The following NBEA variants were observed in gnomAD, a reference collection of about 807,000 sequenced individuals.
The protein encoded by NBEA is lysosomal-trafficking regulator 2.
In NBEA, 44 loss-of-function variants were observed where a neutral mutation model predicts 343.4. The observed-to-expected ratio is 0.13, with a 90% CI of 0.10 to 0.16. NBEA has a LOEUF of 0.16. Ranked by LOEUF, NBEA falls within the 10% of genes least tolerant of loss-of-function variation. The probability of loss-of-function intolerance (pLI) is 1.00; values close to 1 mark genes in which losing one functional copy is unlikely to be tolerated. For missense variants in NBEA, 2,555 were observed against 3,631.3 expected (o/e 0.70, Z 7.62); for synonymous variants, 1,175 against 1,238.7 (o/e 0.95, Z 1.08).
chr13:35,495,193 C>T (rs1015244981), intron 41 of NBEA, among the ~76,000 whole-genome samples: 30 of 151,802 alleles, frequency 2.0e-4, no homozygotes, highest in African/African-American at 7.0e-4. Flanking sequence ...TGCACACAAA[C>T]AGCAACCATA....
intron 6 of NBEA, among the ~76,000 whole-genome samples, chr13:35,055,688 A>G (rs1463100653): frequency 6.6e-6 from 1 of 152,168 alleles, no homozygotes; most frequent in Admixed American, 6.6e-5. Context: ...GGGTATCTGC[A>G]GTGCTTGGCA....
At chr13:35,512,840 G>A (rs372019734) in intron 41 of NBEA, among the ~76,000 whole-genome samples, 2 of 152,118 alleles carry the variant, frequency 1.3e-5, no homozygotes, top group East Asian at 1.9e-4. Flanking sequence ...CTCATAGGTC[G>A]ACCTCCTTCC....
intron 1 of NBEA, among the ~76,000 whole-genome samples, chr13:34,973,741 T>G (rs1316026064): frequency 6.6e-6 from 1 of 152,158 alleles, no homozygotes. Flanking sequence ...TTAGCTGGAA[T>G]TCCAAGCCAG....
chr13:35,054,329 T>C (rs1434266326), intron 6 of NBEA, among the ~76,000 whole-genome samples: 1 of 152,118 alleles, frequency 6.6e-6, no homozygotes, highest in Admixed American at 6.5e-5. Flanking sequence ...CTTAAATTTA[T>C]TTGACACTCT....
intron 38 of NBEA, among the ~76,000 whole-genome samples, chr13:35,394,389 G>C (rs1206570561): frequency 6.6e-6 from 1 of 151,896 alleles, no homozygotes; most frequent in Non-Finnish European, 1.5e-5. Context: ...TGTTAGAGTA[G>C]AGCTTCAAGT....
At chr13:35,550,380 C>A in intron 41 of NBEA, 97 bp from the exon 42 acceptor site, 1 of 661,428 alleles carries the variant, frequency 1.5e-6, no homozygotes, top group Middle Eastern at 2.6e-4. Context: ...ACAGTGAATT[C>A]ATTTCTAGTT....
At chr13:35,368,503 A>G (rs1481944997) in intron 38 of NBEA, among the ~76,000 whole-genome samples, 1 of 151,676 alleles carries the variant, frequency 6.6e-6, no homozygotes, top group African/African-American at 2.4e-5. Context: ...GATCATGCCA[A>G]TAAAATATTT....
At chr13:35,492,353 A>G (rs1047905589) in intron 41 of NBEA, among the ~76,000 whole-genome samples, 4 of 152,004 alleles carry the variant, frequency 2.6e-5, no homozygotes, top group African/African-American at 9.7e-5. Flanking sequence ...CAATTTTTAA[A>G]AAGTAGAAAT....
chr13:35,331,500 A>G (rs2038925429), intron 36 of NBEA, among the ~76,000 whole-genome samples: 1 of 152,064 alleles, frequency 6.6e-6, no homozygotes, highest in African/African-American at 2.4e-5. Context: ...TAATCTATAT[A>G]TAATGAAAAA....
chr13:35,023,615 A>C (rs1032411556), intron 1 of NBEA, among the ~76,000 whole-genome samples: 1 of 150,150 alleles, frequency 6.7e-6, no homozygotes, highest in African/African-American at 2.5e-5. Context: ...GAGAGACAAA[A>C]GTACGTACAT....
chr13:35,230,822 G>A (rs1302754861), intron 33 of NBEA, among the ~76,000 whole-genome samples: 2 of 151,958 alleles, frequency 1.3e-5, no homozygotes, highest in African/African-American at 2.4e-5. Flanking sequence ...TGGATCAGCA[G>A]CATCAACACC....
At chr13:35,517,059 C>T (rs1160400791) in intron 41 of NBEA, among the ~76,000 whole-genome samples, 1 of 152,162 alleles carries the variant, frequency 6.6e-6, no homozygotes, top group Non-Finnish European at 1.5e-5. Flanking sequence ...TGTCTTTTTA[C>T]ATCTATCCCA....
intron 34 of NBEA, among the ~76,000 whole-genome samples, chr13:35,242,679 A>G (rs1474612062): frequency 6.6e-6 from 1 of 151,872 alleles, no homozygotes; most frequent in African/African-American, 2.4e-5. Context: ...TCTATAAGTT[A>G]TCACCAGGTT....
Position 35,039,302 on chromosome 13 carries a change from G to A in NBEA, c.295-1631G>A, listed in dbSNP as rs565009007. Among the ~76,000 whole-genome samples the A allele has an allele frequency of 5.3e-5, 8 of 152,188 alleles. No individual in the cohort carries two copies. In the South Asian group the frequency reaches 1.5e-3, roughly 28 times the overall value. On this transcript the variant is annotated intron_variant, in intron 1 of 58. Coordinates refer to ENST00000379939, the MANE Select transcript of NBEA (RefSeq NM_001385012.1). ...TTTTCAGTGTCTCTTTCAGTGATAC[G>A]AGGTTAAAACCAGGTTCTGTGGGTG... is the stretch of plus-strand genomic sequence containing the variant.
At chr13:35,330,666 T>C (rs912505403) in intron 36 of NBEA, among the ~76,000 whole-genome samples, 6 of 152,038 alleles carry the variant, frequency 3.9e-5, no homozygotes, top group Non-Finnish European at 8.8e-5. Flanking sequence ...AATTAATACG[T>C]AGTTAGGTCT....
rs771104259 is a variant in NBEA, at chr13:35,113,593, CT to C, written c.2002+2616del. 4.3e-3 allele frequency among the ~76,000 whole-genome samples: 649 copies of C among 150,308 alleles called. 2 individuals carry two copies. The highest frequency in any genetic ancestry group is 0.014 in the Middle Eastern group (4 of 284). On this transcript the variant is annotated intron_variant, in intron 13 of 58. Coordinates refer to ENST00000379939, the MANE Select transcript of NBEA (RefSeq NM_001385012.1). The stretch of plus-strand genomic sequence containing the variant: ...TTGTTTTACTCCTCCACTCATCTAT[CT>C]ATCTATCTATCTATCTATCTATCTA...
At chr13:35,326,864 G>A (rs2038596533) in intron 36 of NBEA, among the ~76,000 whole-genome samples, 1 of 151,954 alleles carries the variant, frequency 6.6e-6, no homozygotes, top group Non-Finnish European at 1.5e-5. Context: ...TACAGAATGG[G>A]AGAAAATATT....
intron 36 of NBEA, among the ~76,000 whole-genome samples, chr13:35,329,218 G>A (rs1368532209): frequency 2.6e-5 from 4 of 151,944 alleles, no homozygotes; most frequent in Admixed American, 6.6e-5. Flanking sequence ...GTGGAGCCAC[G>A]GGAACACTTA....
intron 21 of NBEA, among the ~76,000 whole-genome samples, chr13:35,158,565 A>G (rs961494536): frequency 2.0e-5 from 3 of 152,130 alleles, no homozygotes; most frequent in Non-Finnish European, 2.9e-5. Context: ...ATTTAATGAT[A>G]TGTGTGAATT....
Sources: allele counts gnomAD v4.1 joint callset (sites outside exome capture counted in the v4.1 genomes callset), GRCh38; gene constraint gnomAD v4.1.1; transcripts MANE v1.5; gene names NCBI Gene and HGNC (gene_info 2026-07-23, HGNC 2026-07-21).